Variants in SNTG1 observed in about 807,000 individuals in gnomAD.
SNTG1 encodes gamma-1-syntrophin.
Under a neutral mutation model 74.7 loss-of-function variants are expected in SNTG1, and 39 were observed. That is an observed-to-expected ratio of 0.52 (90% CI 0.40 to 0.68). The LOEUF (loss-of-function observed/expected upper bound fraction) is 0.68, where lower values mean the gene tolerates loss of function less well. SNTG1 is among the 30% of genes least tolerant of loss of function. SNTG1 has a pLI of 0.00. For synonymous variants in SNTG1, 254 were observed against 217.1 expected, an observed-to-expected ratio of 1.17 and a Z score of -1.49; for missense variants, 685 against 609.5, an observed-to-expected ratio of 1.12 and a Z score of -1.30.
chr8:50,598,502 G>A (rs1211899713), intron 13 of SNTG1, among the ~76,000 whole-genome samples: 1 of 151,834 alleles, frequency 6.6e-6, no homozygotes, highest in African/African-American at 2.4e-5. Context: ...TACTTTTAAA[G>A]TCATGTCGTG....
At chr8:50,778,974 G>A (rs1299320385) in intron 18 of SNTG1, among the ~76,000 whole-genome samples, 1 of 152,070 alleles carries the variant, frequency 6.6e-6, no homozygotes, top group East Asian at 1.9e-4. Context: ...TTTCCCCATT[G>A]CCTGTTTTTC....
rs1021562722 is a variant in SNTG1, at chr8:50,438,410, C to T, written c.163-133C>T. The T allele has an allele frequency of 7.7e-6, 5 of 652,126 alleles. No individual in the cohort carries two copies. The African/African-American group carries it at 9.2e-5, about 12-fold the overall frequency. 40.4% of individuals were successfully genotyped at this position (652,126 alleles called of 1,614,324 possible). Reference sequence around the variant, plus strand: ...ATTACAAGATGTGGAGGCACTATCCCAGCACAGAAGAGTTCTCTTTTGTTT... The same window carrying T: ...ATTACAAGATGTGGAGGCACTATCCTAGCACAGAAGAGTTCTCTTTTGTTT... On this transcript the variant is annotated intron_variant, in intron 4 of 18. Transcript: ENST00000642720.
At chr8:50,586,530 T>C (rs2094649188) in intron 12 of SNTG1, among the ~76,000 whole-genome samples, 1 of 152,112 alleles carries the variant, frequency 6.6e-6, no homozygotes, top group Non-Finnish European at 1.5e-5. Flanking sequence ...TGCCATTGTC[T>C]CTGCATGGGA....
Position 50,449,733 on chromosome 8 carries a change from G to A in SNTG1, c.277+8G>A. 1 of 1,578,390 alleles carries A rather than the reference G, an allele frequency of 6.3e-7. No individual in the cohort carries two copies. Among genetic ancestry groups the A allele is most frequent in the Non-Finnish European group, 8.6e-7 (1 of 1,160,028 alleles). On this transcript the variant is annotated splice_region_variant and intron_variant, in intron 6 of 18. Coordinates refer to ENST00000642720, the MANE Select transcript of SNTG1 (RefSeq NM_018967.5). Reference sequence around the variant, plus strand: ...TCTCCAAGGAACAAAGAGGTAATATGTTTAGAGAATTGTGTACCAGCCATT... The same window carrying A: ...TCTCCAAGGAACAAAGAGGTAATATATTTAGAGAATTGTGTACCAGCCATT...
intron 1 of SNTG1, among the ~76,000 whole-genome samples, chr8:50,124,225 G>A (rs375585393): frequency 7.1e-6 from 1 of 141,682 alleles, no homozygotes; most frequent in East Asian, 2.0e-4. Flanking sequence ...GACACAGGGA[G>A]AAAATGGCCA....
chr8:50,420,211 A>C (rs1478084703), intron 4 of SNTG1, among the ~76,000 whole-genome samples: 1 of 152,224 alleles, frequency 6.6e-6, no homozygotes, highest in Non-Finnish European at 1.5e-5. Context: ...AAGTCAAACA[A>C]ATTCATGTCA....
At chr8:50,453,644 G>A (rs894295668) in intron 8 of SNTG1, among the ~76,000 whole-genome samples, 2 of 152,298 alleles carry the variant, frequency 1.3e-5, no homozygotes, top group South Asian at 4.1e-4. Context: ...TAAATGTTAT[G>A]GGAATGAATG....
At chr8:50,207,192 G>A (rs567341598) in intron 2 of SNTG1, among the ~76,000 whole-genome samples, 61 of 152,240 alleles carry the variant, frequency 4.0e-4, no homozygotes, top group African/African-American at 1.4e-3. Context: ...AATCCCTCTG[G>A]TCCTGGACTT....
At chr8:50,718,354 G>A (rs1414675440) in intron 17 of SNTG1, among the ~76,000 whole-genome samples, 1 of 152,186 alleles carries the variant, frequency 6.6e-6, no homozygotes, top group East Asian at 1.9e-4. Flanking sequence ...TGAAGAGTTG[G>A]CACTTACATC....
intron 15 of SNTG1, among the ~76,000 whole-genome samples, chr8:50,678,271 T>C (rs943156264): frequency 6.6e-6 from 1 of 152,092 alleles, no homozygotes; most frequent in Admixed American, 6.6e-5. Flanking sequence ...AACCTTTGCA[T>C]ATTTTAAATA....
intron 5 of SNTG1, among the ~76,000 whole-genome samples, chr8:50,440,421 C>G (rs925747258): frequency 6.6e-6 from 1 of 151,796 alleles, no homozygotes; most frequent in Non-Finnish European, 1.5e-5. Flanking sequence ...TTTCTTTTAA[C>G]TAGCAGTGTT....
chr8:50,380,471 G>A (rs1563307270), intron 2 of SNTG1, among the ~76,000 whole-genome samples: 1 of 152,158 alleles, frequency 6.6e-6, no homozygotes, highest in Non-Finnish European at 1.5e-5. Context: ...TTTCTCTTCA[G>A]TAAACTGAAC....
At chr8:50,421,671 A>T (rs1264317735) in intron 4 of SNTG1, among the ~76,000 whole-genome samples, 1 of 151,784 alleles carries the variant, frequency 6.6e-6, no homozygotes, top group Admixed American at 6.6e-5. Flanking sequence ...TCTGTTTCAA[A>T]CTCCTCTGAC....
intron 1 of SNTG1, among the ~76,000 whole-genome samples, chr8:50,082,894 T>C (rs1215888946): frequency 2.0e-5 from 3 of 152,162 alleles, no homozygotes; most frequent in Admixed American, 1.3e-4. Context: ...CCCGTGCTAC[T>C]CCTACAGTTC....
chr8:50,107,999 T>G (rs547486959), intron 1 of SNTG1, among the ~76,000 whole-genome samples: 1 of 152,318 alleles, frequency 6.6e-6, no homozygotes, highest in Admixed American at 6.5e-5. Context: ...CCAAGCTATA[T>G]TTTGAATGAT....
chr8:50,196,798 A>C (rs2131817821), intron 2 of SNTG1, among the ~76,000 whole-genome samples: 1 of 151,140 alleles, frequency 6.6e-6, no homozygotes, highest in South Asian at 2.1e-4. Flanking sequence ...CTCTACTAAA[A>C]ATACAAAAAA....
At chr8:50,593,816 C>T (rs1216316861) in intron 13 of SNTG1, among the ~76,000 whole-genome samples, 4 of 151,308 alleles carry the variant, frequency 2.6e-5, no homozygotes, top group Middle Eastern at 3.4e-3. Flanking sequence ...CTCCCTGGTT[C>T]GAGCGATTCT....
intron 17 of SNTG1, among the ~76,000 whole-genome samples, chr8:50,726,340 A>G (rs1487147287): frequency 6.6e-6 from 1 of 152,214 alleles, no homozygotes; most frequent in Non-Finnish European, 1.5e-5. Context: ...GTGTTTTTGA[A>G]AAAGCTTCCC....
intron 2 of SNTG1, among the ~76,000 whole-genome samples, chr8:50,237,319 C>T (rs151237392): frequency 5.3e-5 from 8 of 152,136 alleles, no homozygotes; most frequent in East Asian, 1.9e-4. Flanking sequence ...TGATAAAATT[C>T]GGGTTCCATT....
Sources: allele counts gnomAD v4.1 joint callset (sites outside exome capture counted in the v4.1 genomes callset), GRCh38; gene constraint gnomAD v4.1.1; transcripts MANE v1.5; gene names NCBI Gene and HGNC (gene_info 2026-07-23, HGNC 2026-07-21).